CNGA1: variants seen among roughly 807,000 people sequenced by gnomAD.
CNGA1 encodes the protein cyclic nucleotide gated channel subunit alpha 1, also known as cyclic nucleotide-gated channel alpha-1.
Under a neutral mutation model 69.7 loss-of-function variants are expected in CNGA1, and 53 were observed. That is an observed-to-expected ratio of 0.76 (90% CI 0.61 to 0.96). The LOEUF is 0.96. Among genes scored for constraint, CNGA1 ranks in the 40% least tolerant of loss-of-function variants. The pLI is 0.00. For missense variants in CNGA1, 739 were observed against 811.2 expected (o/e 0.91, Z 1.08); for synonymous variants, 249 against 283.5 (o/e 0.88, Z 1.22).
intron 3 of CNGA1, among the ~76,000 whole-genome samples, chr4:47,976,717 A>G (rs1741438084): frequency 6.6e-6 from 1 of 152,316 alleles, no homozygotes; most frequent in Admixed American, 6.5e-5. Flanking sequence ...CATGTAATCC[A>G]ATCTGTATTT....
At chr4:47,938,635 C>G (rs1340863416) in intron 10 of CNGA1, among the ~76,000 whole-genome samples, 1 of 152,138 alleles carries the variant, frequency 6.6e-6, no homozygotes, top group Non-Finnish European at 1.5e-5. Context: ...TCGTGATCCA[C>G]CTGCCTTGGC....
Position 47,949,835 on chromosome 4 carries a change from G to C in CNGA1, c.285C>G (p.Asp95Glu), listed in dbSNP as rs781312301. The C allele has an allele frequency of 6.2e-7, 1 of 1,613,142 alleles. No individual in the cohort carries two copies. Among genetic ancestry groups the C allele is most frequent in the Non-Finnish European group, 8.5e-7 (1 of 1,179,470 alleles). ...TTTTCTATTGTAAATATACTTACTG[G>C]TCCTTATTGCTGCTGTTGTTCACAT... ...LFNVNNSSNK[D>E]QEPEEKKKKK... The change falls in exon 6 of 11, where the codon GAC (aspartate) becomes GAG (glutamate). Residue 95 changes from aspartate to glutamate, a missense_variant and splice_region_variant. Coordinates refer to ENST00000514170, the MANE Select transcript of CNGA1 (RefSeq NM_001379270.1).
intron 1 of CNGA1, among the ~76,000 whole-genome samples, chr4:48,011,825 G>GAC (rs1330587312): frequency 6.6e-6 from 1 of 152,156 alleles, no homozygotes; most frequent in African/African-American, 2.4e-5. Flanking sequence ...AAAGACACGG[G>GAC]ATTCATAGAA....
intron 6 of CNGA1, among the ~76,000 whole-genome samples, chr4:47,945,300 C>A (rs1196654672): frequency 6.6e-6 from 1 of 152,078 alleles, no homozygotes; most frequent in Non-Finnish European, 1.5e-5. Context: ...GTACTTAGAC[C>A]TAAAACCAAT....
At chr4:47,992,161 G>T (rs574131080) in intron 2 of CNGA1, among the ~76,000 whole-genome samples, 7 of 152,100 alleles carry the variant, frequency 4.6e-5, no homozygotes, top group African/African-American at 1.7e-4. Flanking sequence ...CTCTTTTTTG[G>T]TTCCATATGA....
chr4:47,937,090 G>C lies in CNGA1; in HGVS notation c.1392C>G (p.Asn464Lys). The change falls in exon 11 of 11, where the codon AAC becomes AAG. Residue 464 changes from asparagine to lysine, a missense_variant. By Grantham distance (94) the Asn-to-Lys change is moderately conservative (BLOSUM62 0). Transcript: ENST00000514170. Reference protein sequence around the residue: ...PDKLRAEIAINVHLDTLKKVR... With the variant: ...PDKLRAEIAIKVHLDTLKKVR... ...CCTTTTTTAATGTGTCTAAGTGAACGTTGATGGCAATTTCTGCTCTTAGTT... is the reference window on the plus strand; with the variant it reads ...CCTTTTTTAATGTGTCTAAGTGAACCTTGATGGCAATTTCTGCTCTTAGTT... 1 of 1,614,152 alleles carries C rather than the reference G, an allele frequency of 6.2e-7. No individual in the cohort carries two copies. Among genetic ancestry groups the C allele is most frequent in the East Asian group, 2.2e-5 (1 of 44,886 alleles).
intron 2 of CNGA1, among the ~76,000 whole-genome samples, chr4:47,993,975 T>C (rs1234087173): frequency 6.6e-6 from 1 of 152,120 alleles, no homozygotes; most frequent in Non-Finnish European, 1.5e-5. Context: ...ATTTCCATGA[T>C]TTGCATGGTT....
At chr4:47,998,863 G>A (rs1272510749) in intron 2 of CNGA1, among the ~76,000 whole-genome samples, 1 of 152,150 alleles carries the variant, frequency 6.6e-6, no homozygotes, top group Non-Finnish European at 1.5e-5. Context: ...TAGGTTAAAG[G>A]ATACAGTACC....
At position 48,009,629 on chromosome 4, in the gene CNGA1, C is replaced by T. The variant is rs1042366324; in HGVS notation, c.-123+1165G>A. On this transcript the variant is annotated intron_variant, in intron 2 of 10. Coordinates refer to ENST00000514170, the MANE Select transcript of CNGA1 (RefSeq NM_001379270.1). Reference sequence around the variant, plus strand: ...GACCACCCTGACCAACATGGCAAAACCCCATCTCTACTAAAAATACAAAAA... The same window carrying T: ...GACCACCCTGACCAACATGGCAAAATCCCATCTCTACTAAAAATACAAAAA... 4.6e-5 allele frequency among the ~76,000 whole-genome samples: 7 copies of T among 152,168 alleles called. No individual in the cohort carries two copies. The East Asian group carries it at 9.7e-4, about 21-fold the overall frequency.
chr4:47,939,240 G>A lies in CNGA1; in HGVS notation c.653-1411C>T, dbSNP rs189516125. 2.6e-4 allele frequency among the ~76,000 whole-genome samples: 39 copies of A among 152,192 alleles called. No individual in the cohort carries two copies. In the East Asian group the frequency reaches 7.2e-3, roughly 28 times the overall value. On this transcript the variant is annotated intron_variant, in intron 10 of 10. Transcript: ENST00000514170. The stretch of plus-strand genomic sequence containing the variant: ...GGAGACTGAGTTAATAGTCCATCAT[G>A]CCTCCATGATAAAACCTCTATAAAA...
In CNGA1 at chr4:47,951,432, C is replaced by G; in HGVS notation, c.145G>C (p.Glu49Gln). The change falls in exon 5 of 11, where the codon GAA (glutamate) becomes CAA (glutamine). Residue 49 changes from glutamate (E) to glutamine (Q), a missense_variant. By Grantham distance (29) the Glu-to-Gln change is conservative. Transcript: ENST00000514170. Reference protein sequence around the residue: ...SEDDDSASTSEESENENPHAR... With the variant: ...SEDDDSASTSQESENENPHAR... Reference sequence around the variant, plus strand: ...TGAGGGTTTTCATTCTCTGATTCTTCAGATGTAGAGGCACTGTCATCATCC... The same window carrying G: ...TGAGGGTTTTCATTCTCTGATTCTTGAGATGTAGAGGCACTGTCATCATCC... 3.1e-6 allele frequency: 5 copies of G among 1,613,714 alleles called. No individual in the cohort carries two copies. The highest frequency in any genetic ancestry group is 4.2e-6 in the Non-Finnish European group (5 of 1,179,712).
intron 2 of CNGA1, among the ~76,000 whole-genome samples, chr4:48,001,377 G>T (rs1052095544): frequency 1.3e-5 from 2 of 152,200 alleles, no homozygotes; most frequent in Non-Finnish European, 2.9e-5. Context: ...GCTGAGGTAA[G>T]AGAATCACTT....
At chr4:48,008,465 A>G (rs1267951432) in intron 2 of CNGA1, among the ~76,000 whole-genome samples, 1 of 152,140 alleles carries the variant, frequency 6.6e-6, no homozygotes, top group Non-Finnish European at 1.5e-5. Flanking sequence ...TTAGAAAAAA[A>G]TTGTCCACCT....
chr4:47,945,714 G>A (rs1419993749), intron 6 of CNGA1, among the ~76,000 whole-genome samples: 2 of 152,182 alleles, frequency 1.3e-5, no homozygotes, highest in Non-Finnish European at 2.9e-5. Context: ...ATAAGTTCCT[G>A]AATATAAAAG....
chr4:47,966,228 A>G (rs1229162308), intron 3 of CNGA1, among the ~76,000 whole-genome samples: 3 of 152,254 alleles, frequency 2.0e-5, no homozygotes, highest in Admixed American at 2.0e-4. Flanking sequence ...GCTTGGGTTC[A>G]AAACCTGGCT....
intron 1 of CNGA1, 31 bp downstream of exon 1, chr4:48,016,451 CA>C: frequency 7.7e-6 from 2 of 260,766 alleles, no homozygotes; most frequent in Non-Finnish European, 1.5e-5. Flanking sequence ...GGCCTCAGTG[CA>C]GCCTCCACTC....
At chr4:47,938,894 A>G (rs1419348132) in intron 10 of CNGA1, among the ~76,000 whole-genome samples, 2 of 151,278 alleles carry the variant, frequency 1.3e-5, no homozygotes, top group African/African-American at 2.4e-5. Flanking sequence ...TTAAGTCTCT[A>G]TGATATTATT....
intron 2 of CNGA1, among the ~76,000 whole-genome samples, chr4:47,997,872 GATT>G (rs1714457298): frequency 6.6e-6 from 1 of 152,110 alleles, no homozygotes; most frequent in African/African-American, 2.4e-5. Context: ...CTTAAAATGT[GATT>G]ATGTCCCAAT....
rs557539173 is a variant in CNGA1, at chr4:47,998,739, C to T, written c.-123+12055G>A. 7.2e-5 allele frequency among the ~76,000 whole-genome samples: 11 copies of T among 152,246 alleles called. 1 individual carries two copies. Among genetic ancestry groups the T allele is most frequent in the African/African-American group, 2.6e-4 (11 of 41,560 alleles). On this transcript the variant is annotated intron_variant, in intron 2 of 10. Coordinates refer to ENST00000514170, the MANE Select transcript of CNGA1 (RefSeq NM_001379270.1). Reference sequence around the variant, plus strand: ...GTTGCAGTGAGCAGAGATCACACTGCTGCACTCCAGTTGGGCAACAGAGCG... The same window carrying T: ...GTTGCAGTGAGCAGAGATCACACTGTTGCACTCCAGTTGGGCAACAGAGCG...
Sources: allele counts gnomAD v4.1 joint callset (sites outside exome capture counted in the v4.1 genomes callset), GRCh38; gene constraint gnomAD v4.1.1; transcripts MANE v1.5; gene names NCBI Gene and HGNC (gene_info 2026-07-23, HGNC 2026-07-21).